Variants in GALNT18 observed in about 807,000 individuals in gnomAD.
GALNT18 encodes GalNAc-transferase 18.
A neutral mutation model predicts 69.5 loss-of-function variants in GALNT18; 44 were observed. The observed-to-expected ratio is 0.63, with a 90% CI of 0.50 to 0.81. The LOEUF is 0.81. Ranked by LOEUF, GALNT18 falls within the 40% of genes least tolerant of loss-of-function variation. The pLI is 0.00. For synonymous variants in GALNT18, 364 were observed against 318.2 expected (o/e 1.14, Z -1.53); for missense variants, 715 against 810.0 (o/e 0.88, Z 1.42).
Position 11,368,869 on chromosome 11 carries a change from T to A in GALNT18, c.1092+3646A>T, listed in dbSNP as rs191630695. Among the ~76,000 whole-genome samples the A allele has an allele frequency of 2.3e-3, 354 of 152,376 alleles. 1 individual carries two copies. Among genetic ancestry groups the A allele is most frequent in the African/African-American group, 5.4e-3 (225 of 41,596 alleles). On this transcript the variant is annotated intron_variant, in intron 6 of 10. Transcript: ENST00000227756. ...TTTTGCTGCTGTTTCCTCTTGTTGC[T>A]TTCTTTTTCCCTTGTCTGTTTTGTG...
At position 11,332,808 on chromosome 11, in the gene GALNT18, G is replaced by A. The variant is rs778741766; in HGVS notation, c.1302C>T (p.Asp434=). The A allele has an allele frequency of 5.0e-6, 8 of 1,613,614 alleles. No homozygotes were observed. Among genetic ancestry groups the A allele is most frequent in the South Asian group, 1.1e-5 (1 of 91,066 alleles). The stretch of plus-strand genomic sequence containing the variant: ...TCCTGAGAGCCTTCCTTGCAGTGAT[G>A]TCCCCAATGTCAATTCCTGAGTCCT... ...PQEDSGIDIG[D]ITARKALRKQ... Residue 434 remains aspartate, a synonymous_variant, in exon 8 of 11, where the codon GAC becomes GAT. Coordinates refer to ENST00000227756, the MANE Select transcript of GALNT18 (RefSeq NM_198516.3). The surrounding 1 kb of genome is among the most constrained non-coding windows in gnomAD (Gnocchi z 4.3).
chr11:11,361,117 A>G (rs1015458430), intron 6 of GALNT18, among the ~76,000 whole-genome samples: 2 of 152,254 alleles, frequency 1.3e-5, no homozygotes, highest in Non-Finnish European at 2.9e-5. Context: ...GCTGTCATTC[A>G]TCTCCAATTT....
Position 11,469,135 on chromosome 11 carries a change from T to G in GALNT18, c.236-20199A>C, listed in dbSNP as rs1013801037. Among the ~76,000 whole-genome samples, 1 of 152,198 alleles carries G rather than the reference T, an allele frequency of 6.6e-6. No homozygotes were observed. Among genetic ancestry groups the G allele is most frequent in the African/African-American group, 2.4e-5 (1 of 41,460 alleles). Reference sequence around the variant, plus strand: ...GTGAATCAGCCAGCTCTGATGATATTATTTTTTGGATCCCGGTAGCCAAGA... The same window carrying G: ...GTGAATCAGCCAGCTCTGATGATATGATTTTTTGGATCCCGGTAGCCAAGA... On this transcript the variant is annotated intron_variant, in intron 1 of 10. Coordinates refer to ENST00000227756, the MANE Select transcript of GALNT18 (RefSeq NM_198516.3). This position sits in a 1 kb window ranked among gnomAD's most constrained non-coding sequence, Gnocchi z 4.2.
At chr11:11,509,363 T>C (rs920139520) in intron 1 of GALNT18, among the ~76,000 whole-genome samples, 1 of 152,196 alleles carries the variant, frequency 6.6e-6, no homozygotes, top group Non-Finnish European at 1.5e-5. Flanking sequence ...ACTGCTGGAA[T>C]TGTTTTTATA....
At position 11,432,218 on chromosome 11, in the gene GALNT18, C is replaced by A. The variant is rs1855280850; in HGVS notation, c.595+403G>T. ...ACCACCAGCACCATCATCACCACTG[C>A]CACTGCTAACATAACACCAGTGAAC... On this transcript the variant is annotated intron_variant, in intron 3 of 10. Transcript: ENST00000227756. This position sits in a 1 kb window ranked among gnomAD's most constrained non-coding sequence, Gnocchi z 5.8. Among the ~76,000 whole-genome samples the A allele has an allele frequency of 6.6e-6, 1 of 152,208 alleles. No individual in the cohort carries two copies. The highest frequency in any genetic ancestry group is 2.4e-5 in the African/African-American group (1 of 41,452).
Position 11,552,068 on chromosome 11 carries a change from G to A in GALNT18, c.235+69291C>T, listed in dbSNP as rs567255264. On this transcript the variant is annotated intron_variant, in intron 1 of 10. Transcript: ENST00000227756. ...TGCTTCAGGCCATCTGGATATATACGTGAGGTCATAGAGGATATGATGGCT... is the reference window on the plus strand; with the variant it reads ...TGCTTCAGGCCATCTGGATATATACATGAGGTCATAGAGGATATGATGGCT... Among the ~76,000 whole-genome samples the A allele has an allele frequency of 3.9e-5, 6 of 152,340 alleles. No homozygotes were observed. In the South Asian group the frequency reaches 1.0e-3, roughly 26 times the overall value.
intron 10 of GALNT18, among the ~76,000 whole-genome samples, chr11:11,281,433 A>G (rs4633466): frequency 0.4 from 61,422 of 152,092 alleles, 12,686 homozygotes; most frequent in Middle Eastern, 0.45. Flanking sequence ...GCGCACAACA[A>G]ACGGGCCCGG....
intron 1 of GALNT18, among the ~76,000 whole-genome samples, chr11:11,531,246 G>C (rs1419755221): frequency 6.6e-6 from 1 of 152,174 alleles, no homozygotes; most frequent in Admixed American, 6.5e-5. Flanking sequence ...CAGTATACAG[G>C]CTTTGAGAAA....
chr11:11,308,467 T>C (rs765728522), intron 9 of GALNT18, among the ~76,000 whole-genome samples: 16 of 152,164 alleles, frequency 1.1e-4, no homozygotes, highest in Admixed American at 3.3e-4. Flanking sequence ...AAGCCTTCTC[T>C]TGAGCCTTCT....
intron 3 of GALNT18, among the ~76,000 whole-genome samples, chr11:11,429,432 G>T (rs909634192): frequency 6.6e-6 from 1 of 152,056 alleles, no homozygotes; most frequent in East Asian, 1.9e-4. Context: ...TACTCCACGC[G>T]TGAGACTCCA....
chr11:11,463,110 A>G lies in GALNT18; in HGVS notation c.236-14174T>C, dbSNP rs1040216625. ...ATATCAATCACAAGACCCTGGAACT[A>G]TTAGTACAGTCTCCCACAAGAGAAC... is the stretch of plus-strand genomic sequence containing the variant. On this transcript the variant is annotated intron_variant, in intron 1 of 10. Coordinates refer to ENST00000227756, the MANE Select transcript of GALNT18 (RefSeq NM_198516.3). This position sits in a 1 kb window ranked among gnomAD's most constrained non-coding sequence, Gnocchi z 4.2. Among the ~76,000 whole-genome samples, 17 of 152,106 alleles carry G rather than the reference A, an allele frequency of 1.1e-4. No individual in the cohort carries two copies. The highest frequency in any genetic ancestry group is 3.9e-4 in the African/African-American group (16 of 41,432).
At chr11:11,566,416 C>T (rs1308636666) in intron 1 of GALNT18, among the ~76,000 whole-genome samples, 1 of 152,202 alleles carries the variant, frequency 6.6e-6, no homozygotes, top group African/African-American at 2.4e-5. Context: ...CAGCAGGCAA[C>T]TCTGACTGAG....
At chr11:11,547,344 G>A (rs1750638747) in intron 1 of GALNT18, among the ~76,000 whole-genome samples, 1 of 152,206 alleles carries the variant, frequency 6.6e-6, no homozygotes, top group African/African-American at 2.4e-5. Flanking sequence ...TGCAACTTCA[G>A]GCTCAGGTAA....
intron 1 of GALNT18, among the ~76,000 whole-genome samples, chr11:11,530,230 G>A (rs907844625): frequency 1.4e-4 from 22 of 152,200 alleles, no homozygotes; most frequent in African/African-American, 5.3e-4. Context: ...GGGGCCCCTG[G>A]ATTCCTGCCA....
intron 1 of GALNT18, among the ~76,000 whole-genome samples, chr11:11,559,547 A>G (rs1858415994): frequency 1.3e-5 from 2 of 152,160 alleles, no homozygotes; most frequent in Admixed American, 1.3e-4. Context: ...ATAGAATGGG[A>G]TATGATGGGA....
chr11:11,529,072 T>C (rs1183283578), intron 1 of GALNT18, among the ~76,000 whole-genome samples: 6 of 152,230 alleles, frequency 3.9e-5, no homozygotes, highest in Admixed American at 6.5e-5. Flanking sequence ...CTCTTCTGTA[T>C]TCCAGGGGTT....
chr11:11,468,424 G>A (rs1429695979), intron 1 of GALNT18, among the ~76,000 whole-genome samples: 2 of 152,174 alleles, frequency 1.3e-5, no homozygotes, highest in African/African-American at 2.4e-5. Context: ...TGCCTGCCAT[G>A]CAGCTCTAAG....
intron 6 of GALNT18, among the ~76,000 whole-genome samples, chr11:11,357,886 T>C (rs758022477): frequency 6.6e-6 from 1 of 152,218 alleles, no homozygotes; most frequent in Non-Finnish European, 1.5e-5. Flanking sequence ...AAATATTTAT[T>C]GAATAAATGC....
At position 11,563,920 on chromosome 11, in the gene GALNT18, T is replaced by C. The variant is rs758210833; in HGVS notation, c.235+57439A>G. On this transcript the variant is annotated intron_variant, in intron 1 of 10. Transcript: ENST00000227756. The surrounding 1 kb of genome is among the most constrained non-coding windows in gnomAD (Gnocchi z 4.6). The stretch of plus-strand genomic sequence containing the variant: ...TTTGAGTTCTGAAAGCAAGAAACTG[T>C]TGATAGAGGAAAAAATGCAGAGAGA... Among the ~76,000 whole-genome samples the C allele has an allele frequency of 4.3e-4, 66 of 152,142 alleles. No individual in the cohort carries two copies. Among genetic ancestry groups the C allele is most frequent in the South Asian group, 1.2e-3 (6 of 4,808 alleles).
Sources: allele counts gnomAD v4.1 joint callset (sites outside exome capture counted in the v4.1 genomes callset), GRCh38; gene constraint gnomAD v4.1.1; non-coding constraint Gnocchi (gnomAD v3.1); transcripts MANE v1.5; gene names NCBI Gene and HGNC (gene_info 2026-07-23, HGNC 2026-07-21).